DOCK8: variants seen among roughly 807,000 people sequenced by gnomAD.
DOCK8 encodes dedicator of cytokinesis protein 8.
Under a neutral mutation model 245.6 loss-of-function variants are expected in DOCK8, and 141 were observed. The ratio of observed to expected loss-of-function variants is 0.57; its 90% CI spans 0.50 to 0.66. The LOEUF (loss-of-function observed/expected upper bound fraction) is 0.66. Among genes scored for constraint, DOCK8 ranks in the 30% least tolerant of loss-of-function variants. DOCK8 has a pLI of 0.00. For missense variants in DOCK8, 2,965 were observed against 2,603.4 expected, an observed-to-expected ratio of 1.14 and a Z score of -3.02; for synonymous variants, 1,168 against 970.2, an observed-to-expected ratio of 1.20 and a Z score of -3.79.
Position 446,341 on chromosome 9 carries a change from C to T in DOCK8, c.5581-29C>T, listed in dbSNP as rs528105209. 1.4e-5 allele frequency: 23 copies of T among 1,590,910 alleles called. No homozygotes were observed. In the African/African-American group the frequency reaches 2.4e-4, roughly 17 times the overall value. On this transcript the variant is annotated intron_variant, in intron 43 of 47. Transcript: ENST00000432829. ...GATGGCCGTTTGCAGAATAGCTCATCTTCTCCCTCCGTGCCTTTTCCCCCT... is the reference window on the plus strand; with the variant it reads ...GATGGCCGTTTGCAGAATAGCTCATTTTCTCCCTCCGTGCCTTTTCCCCCT...
chr9:439,528 G>A, intron 40 of DOCK8, 140 bp downstream of exon 40: 2 of 1,108,732 alleles, frequency 1.8e-6, no homozygotes, highest in South Asian at 2.9e-5. Context: ...CAGGGGATGG[G>A]CCCGGGGAGG....
At chr9:407,228 G>C (rs1461283752) in intron 28 of DOCK8, among the ~76,000 whole-genome samples, 159 bp downstream of exon 28, 1 of 152,118 alleles carries the variant, frequency 6.6e-6, no homozygotes, top group African/African-American at 2.4e-5. Context: ...GTACCCATAA[G>C]CACAAGGCAC....
chr9:391,997 G>A (rs190631676), intron 24 of DOCK8, among the ~76,000 whole-genome samples: 11 of 151,948 alleles, frequency 7.2e-5, no homozygotes, highest in African/African-American at 2.2e-4. Flanking sequence ...AATTAGCCGG[G>A]TGTGGTGGCG....
At chr9:222,443 T>A (rs1255619956) in intron 1 of DOCK8, among the ~76,000 whole-genome samples, 2 of 152,178 alleles carry the variant, frequency 1.3e-5, no homozygotes, top group African/African-American at 4.8e-5. Context: ...GATTGCCAAA[T>A]TGACGCCCAG....
At chr9:338,164 A>AG (rs1377248578) in intron 12 of DOCK8, among the ~76,000 whole-genome samples, 4 of 152,000 alleles carry the variant, frequency 2.6e-5, no homozygotes, top group African/African-American at 9.7e-5. Flanking sequence ...AGAAAAGAAA[A>AG]AAAAAAAGAG....
At chr9:376,011 A>G (rs1047156933) in intron 18 of DOCK8, among the ~76,000 whole-genome samples, 199 bp from the exon 19 acceptor site, 1 of 152,186 alleles carries the variant, frequency 6.6e-6, no homozygotes, top group African/African-American at 2.4e-5. Context: ...GAATGAATAA[A>G]TACATAAATA....
chr9:399,582 T>C (rs2054643573), intron 26 of DOCK8, among the ~76,000 whole-genome samples: 1 of 152,136 alleles, frequency 6.6e-6, no homozygotes, highest in South Asian at 2.1e-4. Flanking sequence ...GCTTTCAGTC[T>C]TTGACAAGTC....
rs1369955517 is a variant in DOCK8, at chr9:332,439, A to G, written c.1086A>G (p.Ala362=). ...AGCAGGGAGAGATTGGAGACTGTGC[A>G]GAGCCCTACACGGTTATCAAAGAAA... ...VLQQGEIGDC[A]EPYTVIKESD... The change falls in exon 10 of 48, where the codon GCA becomes GCG. Residue 362 remains alanine, a synonymous_variant. Transcript: ENST00000432829. The G allele has an allele frequency of 1.9e-6, 3 of 1,613,546 alleles. No individual in the cohort carries two copies. Among genetic ancestry groups the G allele is most frequent in the Middle Eastern group, 1.6e-4 (1 of 6,062 alleles).
intron 1 of DOCK8, among the ~76,000 whole-genome samples, chr9:268,615 C>A (rs534916395): frequency 6.6e-6 from 1 of 152,184 alleles, no homozygotes; most frequent in African/African-American, 2.4e-5. Flanking sequence ...ATAATAGGAC[C>A]AGTTTTAGAG....
chr9:372,317 T>C (rs1339981572), intron 18 of DOCK8, 31 bp downstream of exon 18: 4 of 1,562,368 alleles, frequency 2.6e-6, no homozygotes, highest in Non-Finnish European at 3.5e-6. Context: ...CAGCTGTTTC[T>C]TGTCCAGCTG....
rs747551074 is a variant in DOCK8 at position 312,106 on chromosome 9, G to A, written c.681G>A (p.Glu227=). The part of the protein sequence containing the change: ...VSAEDFEKQN[E]EARRTNRQAE... ...CCGAGGACTTTGAGAAGCAGAACGA[G>A]GAGGCCCGGAGGACCAATAGGCAGG... Residue 227 remains glutamate (E), a synonymous_variant, in exon 6 of 48, where the codon GAG becomes GAA. Coordinates refer to ENST00000432829, the MANE Select transcript of DOCK8 (RefSeq NM_203447.4). 1.2e-5 allele frequency: 19 copies of A among 1,614,240 alleles called. No homozygotes were observed. The highest frequency in any genetic ancestry group is 1.6e-5 in the Non-Finnish European group (19 of 1,180,040).
In DOCK8 at chr9:227,428, G is replaced by C. The variant is rs73372530; in HGVS notation, c.53+12399G>C. 5.8e-3 allele frequency among the ~76,000 whole-genome samples: 876 copies of C among 152,300 alleles called. 9 individuals are homozygous for C. Among genetic ancestry groups the C allele is most frequent in the African/African-American group, 0.02 (812 of 41,552 alleles). ...TGATGTGGTCACTTGGAGGTGAAGAGATAGCCTGGACTTTGTCACATTATC... is the reference window on the plus strand; with the variant it reads ...TGATGTGGTCACTTGGAGGTGAAGACATAGCCTGGACTTTGTCACATTATC... On this transcript the variant is annotated intron_variant, in intron 1 of 47. Transcript: ENST00000432829.
At position 271,661 on chromosome 9, in the gene DOCK8, C is replaced by A; in HGVS notation, c.88C>A (p.Leu30Ile). 6.4e-7 allele frequency: 1 copy of A among 1,551,580 alleles called. No homozygotes were observed. Among genetic ancestry groups the A allele is most frequent in the African/African-American group, 1.4e-5 (1 of 73,174 alleles). The change falls in exon 2 of 48, where the codon CTC becomes ATC. Residue 30 changes from leucine to isoleucine, a missense_variant. Transcript: ENST00000432829. ...AGCGGAAATAAGGAAACAGTTTACTCTCCCACCAAACCTTGGCCAGTACCA... is the reference window on the plus strand; with the variant it reads ...AGCGGAAATAAGGAAACAGTTTACTATCCCACCAAACCTTGGCCAGTACCA... ...SSAEIRKQFT[L>I]PPNLGQYHRQ...
At chr9:405,728 A>G (rs1486413534) in intron 27 of DOCK8, among the ~76,000 whole-genome samples, 1 of 152,204 alleles carries the variant, frequency 6.6e-6, no homozygotes, top group African/African-American at 2.4e-5. Flanking sequence ...TTTCTGTTGC[A>G]TATTCCTTGA....
At chr9:229,336 G>A (rs767800360) in intron 1 of DOCK8, among the ~76,000 whole-genome samples, 2 of 152,126 alleles carry the variant, frequency 1.3e-5, no homozygotes, top group African/African-American at 4.8e-5. Flanking sequence ...CTCCTTTAAA[G>A]TTACCAAGTG....
At position 339,786 on chromosome 9, in the gene DOCK8, T is replaced by A. The variant is rs1156395414; in HGVS notation, c.1517-373T>A. 2.0e-5 allele frequency among the ~76,000 whole-genome samples: 3 copies of A among 152,230 alleles called. No individual in the cohort carries two copies. The East Asian group carries it at 5.8e-4, about 29-fold the overall frequency. ...GCCTCGGCCTCCCAGAGTGCTGAGA[T>A]GACAGGCGTGAGCCACCACATCCGG... On this transcript the variant is annotated intron_variant, in intron 13 of 47. Transcript: ENST00000432829.
In DOCK8 at chr9:432,396, A is replaced by T. The variant is rs10974401; in HGVS notation, c.4785+72A>T. The T allele has an allele frequency of 4.0e-3, 5,356 of 1,352,760 alleles. 176 individuals carry two copies. The African/African-American group carries it at 0.07, about 18-fold the overall frequency. 83.8% of individuals were successfully genotyped at this position (1,352,760 alleles called of 1,614,324 possible). A position where few individuals can be genotyped will look rare whatever the true frequency, so the allele number is the denominator to read the frequency against. ...CCAACTATTGTGTATGTATGTATGT[A>T]CATATATACACAATTTATATATAAA... is the stretch of plus-strand genomic sequence containing the variant. On this transcript the variant is annotated intron_variant, in intron 37 of 47. Coordinates refer to ENST00000432829, the MANE Select transcript of DOCK8 (RefSeq NM_203447.4).
At chr9:439,516 G>GCCCATCCCCTGCCCC in intron 40 of DOCK8, 128 bp downstream of exon 40, 1 of 1,258,038 alleles carries the variant, frequency 7.9e-7, no homozygotes, top group Non-Finnish European at 1.1e-6. Flanking sequence ...GGGTGTGCGG[G>GCCCATCCCCTGCCCC]GCAGGGGATG....
chr9:441,165 A>C, intron 40 of DOCK8, 121 bp from the exon 41 acceptor site: 1 of 1,463,828 alleles, frequency 6.8e-7, no homozygotes, highest in Non-Finnish European at 9.5e-7. Context: ...TGCCCTGTGA[A>C]ATACTGTGAT....
Sources: gnomAD v4.1 joint callset for allele counts (sites outside exome capture counted in the v4.1 genomes callset) on GRCh38, gnomAD v4.1.1 for gene constraint, MANE v1.5 for transcripts, NCBI Gene and HGNC (gene_info 2026-07-23, HGNC 2026-07-21) for gene names.